The following TMPRSS6 variants were observed in gnomAD, a reference collection of about 807,000 sequenced individuals.
TMPRSS6 encodes the protein transmembrane protease serine 6.
Under a neutral mutation model 101.5 loss-of-function variants are expected in TMPRSS6, and 67 were observed. That is an observed-to-expected ratio of 0.66 (90% CI 0.54 to 0.81). The LOEUF is 0.81. TMPRSS6 is among the 30% of genes least tolerant of loss of function. The pLI is 0.00. For missense variants in TMPRSS6, 1,034 were observed against 1,088.7 expected (o/e 0.95, Z 0.71); for synonymous variants, 453 against 464.9 (o/e 0.97, Z 0.33).
chr22:37,098,485 G>C lies in TMPRSS6; in HGVS notation c.267C>G (p.His89Gln), dbSNP rs770438747. The C allele has an allele frequency of 1.2e-6, 2 of 1,614,106 alleles. No homozygotes were observed. The highest frequency in any genetic ancestry group is 2.2e-5 in the South Asian group (2 of 91,088). ...YSGSLRVLNRHFSQDLTRRES... is the reference protein window; with the variant it reads ...YSGSLRVLNRQFSQDLTRRES... ...CCCGGCGGGTAAGATCCTGGGAGAA[G>C]TGGCGATTGAGTACACGCAGACTGC... is the stretch of plus-strand genomic sequence containing the variant. Residue 89 changes from histidine (H) to glutamine (Q), a missense_variant, in exon 3 of 18, where the codon CAC becomes CAG. His to Gln is a conservative substitution (Grantham distance 24). Transcript: ENST00000676104.
Position 37,103,647 on chromosome 22 carries a change from G to T in TMPRSS6, c.-1-229C>A. On this transcript the variant is annotated intron_variant, in intron 1 of 17. Coordinates refer to ENST00000676104, the MANE Select transcript of TMPRSS6 (RefSeq NM_001374504.1). The surrounding 1 kb of genome is among the most constrained non-coding windows in gnomAD (Gnocchi z 4.4). ...AGGCACCAGAGCTGGACTGGGTCTG[G>T]CTCAAGAACCCCACCTTTGCTTCCC... 1.3e-6 allele frequency: 2 copies of T among 1,539,308 alleles called. No individual in the cohort carries two copies. Among genetic ancestry groups the T allele is most frequent in the Non-Finnish European group, 1.8e-6 (2 of 1,120,896 alleles).
At chr22:37,068,765 C>G in intron 16 of TMPRSS6, 2 of 753,566 alleles carry the variant, frequency 2.7e-6, no homozygotes, top group Non-Finnish European at 4.9e-6. Flanking sequence ...GCCTTCCACC[C>G]TTGCAGCCCA....
chr22:37,076,926 C>CAA (rs1569003918), intron 10 of TMPRSS6, among the ~76,000 whole-genome samples: 1 of 152,238 alleles, frequency 6.6e-6, no homozygotes, highest in Admixed American at 6.5e-5. Flanking sequence ...CATCCCACAG[C>CAA]AAATCCAACA....
chr22:37,084,939 C>T, intron 8 of TMPRSS6, 100 bp from the exon 9 acceptor site: 1 of 853,080 alleles, frequency 1.2e-6, no homozygotes, highest in Non-Finnish European at 1.9e-6. Context: ...CCTCTGCCAG[C>T]AAATTGCTGT....
chr22:37,078,953 A>AAAAG (rs796752444), intron 10 of TMPRSS6, among the ~76,000 whole-genome samples: 2,564 of 111,812 alleles, frequency 0.023, 114 homozygotes, highest in African/African-American at 0.073. Context: ...GAGAAGGAGA[A>AAAAG]AAAGAGAAAG....
chr22:37,068,457 C>G (rs1280291337), intron 16 of TMPRSS6, among the ~76,000 whole-genome samples: 2 of 152,216 alleles, frequency 1.3e-5, no homozygotes, highest in Non-Finnish European at 2.9e-5. Flanking sequence ...GGTCTGTGTC[C>G]CCAAAACTGT....
chr22:37,070,673 T>A (rs745907561), intron 14 of TMPRSS6, 21 bp from the exon 15 acceptor site: 43 of 1,597,944 alleles, frequency 2.7e-5, no homozygotes, highest in Non-Finnish European at 3.6e-5. Flanking sequence ...GGGCAGGTGG[T>A]GGGGTGGACA....
chr22:37,066,931 A>T lies in TMPRSS6; in HGVS notation c.2145T>A (p.Asp715Glu), dbSNP rs1274539278. The T allele has an allele frequency of 5.6e-6, 9 of 1,614,158 alleles. No individual in the cohort carries two copies. The East Asian group carries it at 2.0e-4, about 36-fold the overall frequency. The change falls in exon 17 of 18, where the codon GAT (aspartate) becomes GAA (glutamate). Residue 715 changes from aspartate to glutamate, a missense_variant. Coordinates refer to ENST00000676104, the MANE Select transcript of TMPRSS6 (RefSeq NM_001374504.1). The stretch of plus-strand genomic sequence containing the variant: ...ACAGGTCCTGTGGGATCAACTGCAC[A>T]TCCACTTTCTGCAGAGCGTTGCTGA... ...GPISNALQKV[D>E]VQLIPQDLCS...
intron 10 of TMPRSS6, chr22:37,082,534 G>C (rs988483616): frequency 5.9e-6 from 1 of 169,398 alleles, no homozygotes; most frequent in Non-Finnish European, 1.3e-5. Flanking sequence ...GTGAGCGGGG[G>C]TGAAGCCAGC....
chr22:37,094,032 T>C (rs1292389222), intron 6 of TMPRSS6, among the ~76,000 whole-genome samples: 1 of 151,872 alleles, frequency 6.6e-6, no homozygotes, highest in Non-Finnish European at 1.5e-5. Flanking sequence ...TATATATATA[T>C]ATGTCATTCT....
intron 2 of TMPRSS6, 142 bp from the exon 3 acceptor site, chr22:37,098,691 A>C (rs990457291): frequency 9.0e-7 from 1 of 1,105,546 alleles, no homozygotes; most frequent in East Asian, 2.4e-5. Context: ...TGTCATCATC[A>C]TCATCTTTGT....
chr22:37,088,954 G>A (rs578011524), intron 7 of TMPRSS6, among the ~76,000 whole-genome samples: 53 of 152,216 alleles, frequency 3.5e-4, no homozygotes, highest in African/African-American at 1.1e-3. Flanking sequence ...GGGGTTCCCC[G>A]TCACATCCCC....
chr22:37,102,854 C>A (rs1458069613), intron 2 of TMPRSS6, among the ~76,000 whole-genome samples: 1 of 152,136 alleles, frequency 6.6e-6, no homozygotes, highest in East Asian at 1.9e-4. Context: ...TGGCTCCAAG[C>A]CTCAGGGGCA....
intron 10 of TMPRSS6, among the ~76,000 whole-genome samples, chr22:37,076,026 AAG>A (rs967343112): frequency 2.3e-4 from 35 of 149,140 alleles, no homozygotes; most frequent in Admixed American, 5.9e-4. Flanking sequence ...AAGAAAGAGA[AAG>A]AGAAAGAAAG....
chr22:37,100,979 T>A (rs2146179444), intron 2 of TMPRSS6, among the ~76,000 whole-genome samples: 1 of 152,238 alleles, frequency 6.6e-6, no homozygotes, highest in East Asian at 1.9e-4. Context: ...GACATTGGAT[T>A]TAGCAACCTG....
At chr22:37,079,001 G>GAAAGAAAGAAAGAAAGAAAGA (rs1429080927) in intron 10 of TMPRSS6, among the ~76,000 whole-genome samples, 1 of 150,950 alleles carries the variant, frequency 6.6e-6, no homozygotes, top group East Asian at 1.9e-4. Flanking sequence ...AAGAAAGAAA[G>GAAAGAAAGAAAGAAAGAAAGA]AAAGAAAGAA....
chr22:37,073,440 TGAGAG>T (rs1339414856), intron 13 of TMPRSS6, 87 bp downstream of exon 13: 1 of 785,484 alleles, frequency 1.3e-6, no homozygotes, highest in African/African-American at 1.7e-5. Flanking sequence ...TGGTGGGTGT[TGAGAG>T]GAGAAGCTAG....
intron 13 of TMPRSS6, among the ~76,000 whole-genome samples, chr22:37,072,562 TGGATGGATGGATGGA>T (rs1927142803): frequency 8.9e-6 from 1 of 112,328 alleles, no homozygotes; most frequent in African/African-American, 3.0e-5. Context: ...GGATGGATGA[TGGATGGATGGATGGA>T]TGATGGATGG....
At chr22:37,108,550 C>T (rs1408809580) in intron 1 of TMPRSS6, among the ~76,000 whole-genome samples, 3 of 152,192 alleles carry the variant, frequency 2.0e-5, no homozygotes, top group African/African-American at 7.2e-5. Context: ...TGGAGGGTCT[C>T]GGGTCTGCCT....
Sources: gnomAD v4.1 joint callset for allele counts (sites outside exome capture counted in the v4.1 genomes callset) on GRCh38, gnomAD v4.1.1 for gene constraint, Gnocchi (gnomAD v3.1) non-coding constraint, MANE v1.5 for transcripts, NCBI Gene and HGNC (gene_info 2026-07-23, HGNC 2026-07-21) for gene names.